The following CCDC14 variants were observed in gnomAD, a reference collection of about 807,000 sequenced individuals.
CCDC14 encodes coiled-coil domain containing 14, also known as coiled-coil domain-containing protein 14.
In CCDC14, 71 loss-of-function variants were observed where a neutral mutation model predicts 81.4. That is an observed-to-expected ratio of 0.87 (90% CI 0.72 to 1.06). The LOEUF (loss-of-function observed/expected upper bound fraction) is 1.06. Among genes scored for constraint, CCDC14 ranks in the 50% least tolerant of loss-of-function variants. The probability of loss-of-function intolerance (pLI) is 0.00; values close to 1 mark genes in which losing one functional copy is unlikely to be tolerated. For synonymous variants in CCDC14, 332 were observed against 364.8 expected (o/e 0.91, Z 1.03); for missense variants, 1,046 against 1,047.3 (o/e 1.00, Z 0.02).
intron 10 of CCDC14, 77 bp from the exon 11 acceptor site, chr3:123,931,603 A>AC (rs1559780906): frequency 5.1e-5 from 26 of 507,054 alleles, no homozygotes; most frequent in South Asian, 1.3e-4. Context: ...TGTTTCTTAA[A>AC]AAAAAAAAAA....
At position 123,955,846 on chromosome 3, in the gene CCDC14, T is replaced by C. The variant is rs1353910008; in HGVS notation, c.349A>G (p.Thr117Ala). 1 of 1,507,906 alleles carries C rather than the reference T, an allele frequency of 6.6e-7. No homozygotes were observed. Among genetic ancestry groups the C allele is most frequent in the South Asian group, 1.3e-5 (1 of 77,626 alleles). The allele number at this position is 1,507,906 out of a possible 1,614,324, so 93.4% of individuals were successfully genotyped here. A position where few individuals can be genotyped will look rare whatever the true frequency, so the allele number is the denominator to read the frequency against. The change falls in exon 5 of 13, where the codon ACA becomes GCA. Residue 117 changes from threonine to alanine, a missense_variant. Coordinates refer to ENST00000409697, the MANE Select transcript of CCDC14 (RefSeq NM_001366335.1). The stretch of plus-strand genomic sequence containing the variant: ...AACTAAGAGAAAAAAGGCTTACATG[T>C]TTCTTTCTGGACTACCAAAGGAATA... ...HTIPLVVQKETSSSDNKKQIP... is the reference protein window; with the variant it reads ...HTIPLVVQKEASSSDNKKQIP...
At chr3:123,939,079 T>A (rs1017933255) in intron 9 of CCDC14, among the ~76,000 whole-genome samples, 4 of 151,894 alleles carry the variant, frequency 2.6e-5, no homozygotes, top group Non-Finnish European at 5.9e-5. Context: ...TTTTGTTTTG[T>A]TTTTTAAAGG....
chr3:123,921,636 T>C (rs1435843600), intron 12 of CCDC14, among the ~76,000 whole-genome samples: 1 of 152,188 alleles, frequency 6.6e-6, no homozygotes, highest in African/African-American at 2.4e-5. Context: ...GGTCTCAAAT[T>C]ACACTTTAGA....
At chr3:123,904,762 A>G (rs1245014251) in intron 5 of CCDC14, among the ~76,000 whole-genome samples, 1 of 152,182 alleles carries the variant, frequency 6.6e-6, no homozygotes, top group African/African-American at 2.4e-5. Context: ...GGAGGTTTCA[A>G]TATAATAAAA....
In CCDC14 at chr3:123,948,916, C is replaced by T. The variant is rs754571576; in HGVS notation, c.569G>A (p.Cys190Tyr). 6.2e-7 allele frequency: 1 copy of T among 1,613,454 alleles called. No individual in the cohort carries two copies. The highest frequency in any genetic ancestry group is 8.5e-7 in the Non-Finnish European group (1 of 1,179,574). ...NIPNGIPAVPCHAPSHSESQA... is the reference protein window; with the variant it reads ...NIPNGIPAVPYHAPSHSESQA... ...CTCACCAGAATGAGAGGGAGCATGGCATGGTACAGCAGGAATTCCATTAGG... is the reference window on the plus strand; with the variant it reads ...CTCACCAGAATGAGAGGGAGCATGGTATGGTACAGCAGGAATTCCATTAGG... The change falls in exon 6 of 13, where the codon TGC becomes TAC. Residue 190 changes from cysteine (C) to tyrosine (Y), a missense_variant. By Grantham distance (194) the Cys-to-Tyr change is radical. Coordinates refer to ENST00000409697, the MANE Select transcript of CCDC14 (RefSeq NM_001366335.1).
the CCDC14 span, among the ~76,000 whole-genome samples, chr3:123,887,480 C>CAA: frequency 1.9e-4 from 28 of 145,160 alleles, no homozygotes; most frequent in Admixed American, 1.1e-3. Flanking sequence ...ACAACAACAA[C>CAA]AAAAAAAAAA....
In CCDC14 at chr3:123,932,174, C is replaced by T. The variant is rs1486416296; in HGVS notation, c.1427-648G>A. Among the ~76,000 whole-genome samples, 3 of 152,160 alleles carry T rather than the reference C, an allele frequency of 2.0e-5. No homozygotes were observed. In the East Asian group the frequency reaches 5.8e-4, roughly 29 times the overall value. ...GAACAACACAGACGTGGCCCCTGTT[C>T]TCACAGAGCTGATAACAAACAAGTA... On this transcript the variant is annotated intron_variant, in intron 10 of 12. Transcript: ENST00000409697.
Position 123,947,155 on chromosome 3 carries a change from A to G in CCDC14, c.849T>C (p.Leu283=). ...CTTGTTGTGGCAGAATTCCATTAAC[A>G]AGGCCCAGTTGCTGCAATGTTGGAA... ...SAIPTLQQLG[L]VNGILPQQGI... The change falls in exon 8 of 13, where the codon CTT becomes CTC. Residue 283 remains leucine (L), a synonymous_variant. Transcript: ENST00000409697. 6.2e-7 allele frequency: 1 copy of G among 1,613,950 alleles called. No homozygotes were observed. The highest frequency in any genetic ancestry group is 8.5e-7 in the Non-Finnish European group (1 of 1,179,868).
intron 1 of CCDC14, chr3:123,958,046 GT>G (rs1166352927): frequency 6.6e-6 from 1 of 152,082 alleles, no homozygotes; most frequent in Non-Finnish European, 1.5e-5. Context: ...TAAAAACTGG[GT>G]TGGTAAGAGT....
At chr3:123,950,785 CTTAA>C (rs2036969068) in intron 5 of CCDC14, among the ~76,000 whole-genome samples, 1 of 151,392 alleles carries the variant, frequency 6.6e-6, no homozygotes. Context: ...AGAAGTATTC[CTTAA>C]TTTTTTAAAA....
At chr3:123,956,495 T>C in intron 2 of CCDC14, 68 bp from the exon 3 acceptor site, 1 of 1,133,272 alleles carries the variant, frequency 8.8e-7, no homozygotes, top group Non-Finnish European at 1.3e-6. Flanking sequence ...GTAGTCATTT[T>C]CTTTCCAGCA....
At chr3:123,949,785 G>A (rs1464682816) in intron 5 of CCDC14, among the ~76,000 whole-genome samples, 2 of 152,148 alleles carry the variant, frequency 1.3e-5, no homozygotes, top group African/African-American at 4.8e-5. Flanking sequence ...GCTCATCTGA[G>A]TTTTCTTCTT....
Position 123,947,150 on chromosome 3 carries a change from T to C in CCDC14, c.854A>G (p.Asn285Ser). The C allele has an allele frequency of 6.2e-7, 1 of 1,613,974 alleles. No homozygotes were observed. The highest frequency in any genetic ancestry group is 8.5e-7 in the Non-Finnish European group (1 of 1,179,876). The change falls in exon 8 of 13, where the codon AAT becomes AGT. Residue 285 changes from asparagine to serine, a missense_variant. Asn to Ser is a conservative substitution (Grantham distance 46). Coordinates refer to ENST00000409697, the MANE Select transcript of CCDC14 (RefSeq NM_001366335.1). ...IPTLQQLGLV[N>S]GILPQQGIHK... ...AATTCCTTGTTGTGGCAGAATTCCA[T>C]TAACAAGGCCCAGTTGCTGCAATGT...
At chr3:123,932,584 T>G (rs1281337159) in intron 10 of CCDC14, among the ~76,000 whole-genome samples, 3 of 152,194 alleles carry the variant, frequency 2.0e-5, no homozygotes, top group Non-Finnish European at 1.5e-5. Flanking sequence ...TGGGGACATA[T>G]TTTATCAATC....
chr3:123,958,405 T>C (rs781744648), intron 1 of CCDC14: 2 of 152,098 alleles, frequency 1.3e-5, no homozygotes, highest in Non-Finnish European at 2.9e-5. Flanking sequence ...TAAAGAAAAC[T>C]ACCCATGATA....
chr3:123,930,044 G>A (rs1182568990), intron 12 of CCDC14, among the ~76,000 whole-genome samples: 1 of 152,150 alleles, frequency 6.6e-6, no homozygotes, highest in African/African-American at 2.4e-5. Context: ...CAGAACCTCT[G>A]ACTAGAACCT....
chr3:123,917,311 T>C (rs1218671820), intron 12 of CCDC14, among the ~76,000 whole-genome samples: 1 of 151,072 alleles, frequency 6.6e-6, no homozygotes, highest in Non-Finnish European at 1.5e-5. Context: ...CTGGCCAACA[T>C]GGTGAAACCC....
At chr3:123,936,040 C>T (rs1248523526) in intron 9 of CCDC14, among the ~76,000 whole-genome samples, 1 of 151,982 alleles carries the variant, frequency 6.6e-6, no homozygotes, top group Non-Finnish European at 1.5e-5. Context: ...ATCCCACTCC[C>T]TTTATCTTCT....
downstream of CCDC14, among the ~76,000 whole-genome samples, chr3:123,892,323 T>C: frequency 6.6e-6 from 1 of 152,196 alleles, no homozygotes; most frequent in South Asian, 2.1e-4. Context: ...TTGGCCCCTT[T>C]TAGTCACAGC....
Sources: gnomAD v4.1 joint callset for allele counts (sites outside exome capture counted in the v4.1 genomes callset) on GRCh38, gnomAD v4.1.1 for gene constraint, MANE v1.5 for transcripts, NCBI Gene and HGNC (gene_info 2026-07-23, HGNC 2026-07-21) for gene names.